The following RELL1 variants were observed in gnomAD, a reference collection of about 807,000 sequenced individuals.
The protein encoded by RELL1 is RELT like 1, also known as RELT-like protein 1.
RELL1 carries 10 observed loss-of-function variants against 23.0 expected under a neutral mutation model. The ratio of observed to expected loss-of-function variants is 0.43; its 90% CI spans 0.27 to 0.74. The LOEUF is 0.74. RELL1 is among the 30% of genes least tolerant of loss of function. The pLI is 0.19. For synonymous variants in RELL1, 146 were observed against 146.8 expected (o/e 0.99, Z 0.04); for missense variants, 315 against 364.4 (o/e 0.86, Z 1.10).
chr4:37,665,743 G>C (rs1297808898), intron 1 of RELL1, among the ~76,000 whole-genome samples: 1 of 152,178 alleles, frequency 6.6e-6, no homozygotes, highest in Non-Finnish European at 1.5e-5. Context: ...GGGGTCAAAG[G>C]GGTGCTCCTT....
chr4:37,650,049 C>G (rs1720855051), intron 1 of RELL1, among the ~76,000 whole-genome samples: 1 of 152,164 alleles, frequency 6.6e-6, no homozygotes, highest in African/African-American at 2.4e-5. Flanking sequence ...CAAATACTAC[C>G]TACTCACCCT....
intron 6 of RELL1, among the ~76,000 whole-genome samples, chr4:37,599,766 G>A (rs1266801399): frequency 2.0e-5 from 3 of 152,022 alleles, no homozygotes; most frequent in Non-Finnish European, 4.4e-5. Context: ...GTAAGACCAT[G>A]AATTTCCTTT....
At chr4:37,685,923 C>T (rs1722390447) in intron 1 of RELL1, among the ~76,000 whole-genome samples, 1 of 152,340 alleles carries the variant, frequency 6.6e-6, no homozygotes, top group Non-Finnish European at 1.5e-5. Flanking sequence ...GGTCCCTACG[C>T]CCCGCACTGC....
intron 6 of RELL1, among the ~76,000 whole-genome samples, chr4:37,600,579 T>G (rs1025227008): frequency 1.3e-5 from 2 of 152,206 alleles, no homozygotes; most frequent in African/African-American, 4.8e-5. Flanking sequence ...CCTTTGAACT[T>G]TAAGTCACAT....
intron 1 of RELL1, among the ~76,000 whole-genome samples, chr4:37,676,030 C>A (rs1016558377): frequency 6.6e-6 from 1 of 152,204 alleles, no homozygotes; most frequent in African/African-American, 2.4e-5. Flanking sequence ...TTCTTTCCAC[C>A]TGACCAACTC....
chr4:37,652,384 C>A (rs1044381532), intron 1 of RELL1, among the ~76,000 whole-genome samples: 1 of 152,078 alleles, frequency 6.6e-6, no homozygotes, highest in African/African-American at 2.4e-5. Context: ...TGCAATATAC[C>A]GTCTAAGTTA....
intron 5 of RELL1, among the ~76,000 whole-genome samples, chr4:37,633,196 G>A (rs1475497265): frequency 6.6e-6 from 1 of 152,024 alleles, no homozygotes; most frequent in African/African-American, 2.4e-5. Flanking sequence ...ATCACTTGAG[G>A]TCAGGAGTTC....
chr4:37,679,874 C>T (rs1303216027), intron 1 of RELL1, among the ~76,000 whole-genome samples: 1 of 152,018 alleles, frequency 6.6e-6, no homozygotes, highest in Non-Finnish European at 1.5e-5. Context: ...ATCTCTTGAA[C>T]CCGGGAGGCG....
chr4:37,620,581 C>T (rs548557647), intron 6 of RELL1, among the ~76,000 whole-genome samples: 9 of 152,202 alleles, frequency 5.9e-5, no homozygotes, highest in Non-Finnish European at 8.8e-5. Context: ...AAGCTACAGG[C>T]AGAATAACTT....
intron 4 of RELL1, among the ~76,000 whole-genome samples, chr4:37,638,055 A>G (rs1337130043): frequency 6.6e-6 from 1 of 152,204 alleles, no homozygotes; most frequent in Non-Finnish European, 1.5e-5. Context: ...GCAGGACTCA[A>G]CCACATCTCC....
At chr4:37,647,751 T>C (rs1009969871) in intron 2 of RELL1, among the ~76,000 whole-genome samples, 1 of 152,246 alleles carries the variant, frequency 6.6e-6, no homozygotes, top group African/African-American at 2.4e-5. Context: ...TAAAGCCTTA[T>C]GAGAAATGGG....
chr4:37,604,890 C>G lies in RELL1; in HGVS notation c.*4-13673G>C, dbSNP rs1448883570. Among the ~76,000 whole-genome samples the G allele has an allele frequency of 3.8e-3, 170 of 44,328 alleles. 15 individuals are homozygous for G. Among genetic ancestry groups the G allele is most frequent in the East Asian group, 0.016 (15 of 938 alleles). 29.1% of individuals were successfully genotyped at this position (44,328 alleles called of 152,430 possible). ...AGACACACACACACATACACACAGA[C>G]ACACACACAGACACACACACACACA... On this transcript the variant is annotated intron_variant, in intron 6 of 6. Transcript: ENST00000314117.
At chr4:37,668,766 G>A (rs373349772) in intron 1 of RELL1, among the ~76,000 whole-genome samples, 3,733 of 136,926 alleles carry the variant, frequency 0.027, 113 homozygotes, top group Middle Eastern at 0.066. Context: ...CATCTAGGAA[G>A]TGAGGAGCGC....
chr4:37,674,046 G>A (rs951306156), intron 1 of RELL1, among the ~76,000 whole-genome samples: 1 of 152,248 alleles, frequency 6.6e-6, no homozygotes, highest in Non-Finnish European at 1.5e-5. Context: ...CCAAGTTTCA[G>A]GCTATGAATG....
At chr4:37,605,839 GAAAGAAGGA>G (rs200310121), downstream of RELL1, among the ~76,000 whole-genome samples, 1,065 of 112,376 alleles carry the variant, frequency 9.5e-3, 19 homozygotes, top group Middle Eastern at 0.024. Context: ...AAGAAAGAAA[GAAAGAAGGA>G]AAAGAAAAGA....
intron 1 of RELL1, among the ~76,000 whole-genome samples, chr4:37,681,917 A>G (rs1722242191): frequency 6.6e-6 from 1 of 152,160 alleles, no homozygotes; most frequent in Non-Finnish European, 1.5e-5. Flanking sequence ...TTACTTACTG[A>G]TTCTTTACAA....
rs73807878 is a variant in RELL1, at chr4:37,645,171, C to A, written c.385+2197G>T. ...ATTTCGACTGATTCAACTGCCAGTA[C>A]CCATTTCATGCATCATCACAAATTT... On this transcript the variant is annotated intron_variant, in intron 3 of 6. Coordinates refer to ENST00000454158, the MANE Select transcript of RELL1 (RefSeq NM_001085400.2). Among the ~76,000 whole-genome samples, 447 of 152,274 alleles carry A rather than the reference C, an allele frequency of 2.9e-3. 2 individuals are homozygous for A. The highest frequency in any genetic ancestry group is 0.01 in the African/African-American group (429 of 41,544).
At chr4:37,658,500 T>C (rs903984317) in intron 1 of RELL1, among the ~76,000 whole-genome samples, 7 of 152,212 alleles carry the variant, frequency 4.6e-5, no homozygotes, top group African/African-American at 1.4e-4. Flanking sequence ...ACCAGTGTTA[T>C]CCTCACATTA....
At chr4:37,641,539 C>G (rs964007761) in intron 3 of RELL1, among the ~76,000 whole-genome samples, 4 of 152,148 alleles carry the variant, frequency 2.6e-5, no homozygotes, top group Non-Finnish European at 5.9e-5. Flanking sequence ...CCACACTTGC[C>G]GGCATTTTGT....
Sources: allele counts gnomAD v4.1 joint callset (sites outside exome capture counted in the v4.1 genomes callset), GRCh38; gene constraint gnomAD v4.1.1; transcripts MANE v1.5; gene names NCBI Gene and HGNC (gene_info 2026-07-23, HGNC 2026-07-21).